TBX4: variants seen among roughly 807,000 people sequenced by gnomAD.
The protein encoded by TBX4 is T-box transcription factor 4, also known as T-box transcription factor TBX4.
A neutral mutation model predicts 54.6 loss-of-function variants in TBX4; 13 were observed. That is an observed-to-expected ratio of 0.24 (90% confidence interval 0.15 to 0.38). The LOEUF is 0.38. Ranked by LOEUF, TBX4 falls within the 10% of genes least tolerant of loss-of-function variation. TBX4 has a pLI of 1.00. For synonymous variants in TBX4, 314 were observed against 306.7 expected (o/e 1.02, Z -0.25); for missense variants, 631 against 728.5 (o/e 0.87, Z 1.54).
At position 61,484,812 on chromosome 17, in the gene TBX4, C is replaced by G. The variant is rs2060691847; in HGVS notation, c.*1296C>G. ...AATGCAGGCCACATGTCAAATTCAG[C>G]TTTGCTTTCTACAAATGAATGAACT... On this transcript the variant is annotated 3_prime_UTR_variant, in exon 9 of 9. Coordinates refer to ENST00000644296, the MANE Select transcript of TBX4 (RefSeq NM_001321120.2). This position sits in a 1 kb window ranked among gnomAD's most constrained non-coding sequence, Gnocchi z 4.1. 1 of 148,342 alleles carries G rather than the reference C, an allele frequency of 6.7e-6. No homozygotes were observed. The highest frequency in any genetic ancestry group is 2.1e-4 in the South Asian group (1 of 4,794). The allele number at this position is 148,342 out of a possible 1,614,324, so 9.2% of individuals were successfully genotyped here.
intron 5 of TBX4, among the ~76,000 whole-genome samples, chr17:61,473,146 C>A (rs965329389): frequency 6.6e-6 from 1 of 152,100 alleles, no homozygotes; most frequent in Non-Finnish European, 1.5e-5. Context: ...TTTCTATTTG[C>A]TGAGGGTTTT....
rs752909576 is a variant in TBX4, at chr17:61,483,177, G to A, written c.1302G>A (p.Thr434=). Reference sequence around the variant, plus strand: ...CGTACACCAGCTATAGCGTGCAGACGATGGAGACTGTGCCGTACCAGCCCT... The same window carrying A: ...CGTACACCAGCTATAGCGTGCAGACAATGGAGACTGTGCCGTACCAGCCCT... ...VSPYTSYSVQ[T]METVPYQPFP... The change falls in exon 9 of 9, where the codon ACG becomes ACA. Residue 434 remains threonine (T), a synonymous_variant. Transcript: ENST00000644296. The surrounding 1 kb of genome is among the most constrained non-coding windows in gnomAD (Gnocchi z 6.6). The A allele has an allele frequency of 2.4e-5, 38 of 1,614,008 alleles. No homozygotes were observed. Among genetic ancestry groups the A allele is most frequent in the Non-Finnish European group, 2.9e-5 (34 of 1,180,034 alleles).
rs2060685557 is a variant in TBX4 at position 61,483,871 on chromosome 17, G to C, written c.*355G>C. ...GGTTTTATAATGGTTGATTTACTCA[G>C]GGGCCAGGTGGGGAGTTCTCTCCCA... On this transcript the variant is annotated 3_prime_UTR_variant, in exon 9 of 9. Coordinates refer to ENST00000644296, the MANE Select transcript of TBX4 (RefSeq NM_001321120.2). This position sits in a 1 kb window ranked among gnomAD's most constrained non-coding sequence, Gnocchi z 6.6. 2 of 294,730 alleles carry C rather than the reference G, an allele frequency of 6.8e-6. No individual in the cohort carries two copies. The highest frequency in any genetic ancestry group is 7.1e-5 in the South Asian group (2 of 28,180). The allele number at this position is 294,730 out of a possible 1,614,324, so 18.3% of individuals were successfully genotyped here. A position where few individuals can be genotyped will look rare whatever the true frequency, so the allele number is the denominator to read the frequency against.
rs868354023 is a variant in TBX4 at position 61,480,425 on chromosome 17, C to T, written c.1021+106C>T. On this transcript the variant is annotated intron_variant, in intron 8 of 8. Coordinates refer to ENST00000644296, the MANE Select transcript of TBX4 (RefSeq NM_001321120.2). The surrounding 1 kb of genome is among the most constrained non-coding windows in gnomAD (Gnocchi z 6.2). ...CCCCCCAACACACACACACTCATCTCGTGCTTGTGTGGCCTGGGAGAGTGG... is the reference window on the plus strand; with the variant it reads ...CCCCCCAACACACACACACTCATCTTGTGCTTGTGTGGCCTGGGAGAGTGG... 13 of 1,018,944 alleles carry T rather than the reference C, an allele frequency of 1.3e-5. No individual in the cohort carries two copies. The highest frequency in any genetic ancestry group is 2.9e-4 in the Middle Eastern group (1 of 3,450). The allele number at this position is 1,018,944 out of a possible 1,614,324, so 63.1% of individuals were successfully genotyped here. A position where few individuals can be genotyped will look rare whatever the true frequency, so the allele number is the denominator to read the frequency against.
rs902947677 is a variant in TBX4 at position 61,465,207 on chromosome 17, A to G, written c.282-612A>G. On this transcript the variant is annotated intron_variant, in intron 3 of 8. Transcript: ENST00000644296. This position sits in a 1 kb window ranked among gnomAD's most constrained non-coding sequence, Gnocchi z 4.9. Reference sequence around the variant, plus strand: ...AGGTCCAGGTGAGGTGTTCACAGGGAGAAGTACCCCCGATAGACACACTGG... The same window carrying G: ...AGGTCCAGGTGAGGTGTTCACAGGGGGAAGTACCCCCGATAGACACACTGG... Among the ~76,000 whole-genome samples, 1 of 152,128 alleles carries G rather than the reference A, an allele frequency of 6.6e-6. No homozygotes were observed. Among genetic ancestry groups the G allele is most frequent in the African/African-American group, 2.4e-5 (1 of 41,410 alleles).
chr17:61,467,424 A>G (rs2060544409), intron 4 of TBX4, 86 bp from the exon 5 acceptor site: 26 of 1,548,376 alleles, frequency 1.7e-5, no homozygotes, highest in East Asian at 2.3e-5. Flanking sequence ...CCTCTGGTCA[A>G]TGGGGGTTTG....
chr17:61,453,072 G>A (rs2060425154), intron 1 of TBX4: 1 of 840,690 alleles, frequency 1.2e-6, no homozygotes, highest in African/African-American at 1.8e-5. Context: ...TATAAATAAT[G>A]ATCGATGATT....
At position 61,456,374 on chromosome 17, in the gene TBX4, C is replaced by T. The variant is rs2143791153; in HGVS notation, c.-3-114C>T. 5 of 1,428,496 alleles carry T rather than the reference C, an allele frequency of 3.5e-6. No homozygotes were observed. The East Asian group carries it at 7.7e-5, about 22-fold the overall frequency. The allele number at this position is 1,428,496 out of a possible 1,614,324, so 88.5% of individuals were successfully genotyped here. ...CTCAGGAGGGGGCGGGGTCCACGTG[C>T]TCCAGGGCTGCCTCCGCGCCCCGCA... On this transcript the variant is annotated intron_variant, in intron 1 of 8. Transcript: ENST00000644296.
Position 61,480,763 on chromosome 17 carries a change from C to G in TBX4, c.1021+444C>G, listed in dbSNP as rs1435558453. On this transcript the variant is annotated intron_variant, in intron 8 of 8. Transcript: ENST00000644296. This position sits in a 1 kb window ranked among gnomAD's most constrained non-coding sequence, Gnocchi z 6.2. ...CTTGGTGTCTCACGTGCAGGGCCTT[C>G]CACCCAATCATTCCTTCCAGGATCT... 5.3e-5 allele frequency among the ~76,000 whole-genome samples: 8 copies of G among 152,176 alleles called. No homozygotes were observed. The highest frequency in any genetic ancestry group is 1.4e-4 in the African/African-American group (6 of 41,440).
In TBX4 at chr17:61,458,293, CGGCGGG is replaced by C. The variant is rs2060469448; in HGVS notation, c.281+665_281+670del. Among the ~76,000 whole-genome samples, 4 of 81,278 alleles carry C rather than the reference CGGCGGG, an allele frequency of 4.9e-5. No homozygotes were observed. In the Admixed American group the frequency reaches 7.7e-4, roughly 16 times the overall value. The allele number at this position is 81,278 out of a possible 152,430, so 53.3% of individuals were successfully genotyped here. The stretch of plus-strand genomic sequence containing the variant: ...GAGAGGATGAGAGGAGGAAGACTCA[CGGCGGG>C]GGTGGGGGTGAGTGAGAGATTCGCT... On this transcript the variant is annotated intron_variant, in intron 3 of 8. Coordinates refer to ENST00000644296, the MANE Select transcript of TBX4 (RefSeq NM_001321120.2).
intron 8 of TBX4, among the ~76,000 whole-genome samples, chr17:61,482,542 CCT>C (rs1720637033): frequency 6.6e-6 from 1 of 152,040 alleles, no homozygotes; most frequent in African/African-American, 2.4e-5. Flanking sequence ...CCTCTACTTT[CCT>C]TGGCCAGGGA....
At chr17:61,482,864 A>G in intron 8 of TBX4, 33 bp from the exon 9 acceptor site, 2 of 1,610,376 alleles carry the variant, frequency 1.2e-6, no homozygotes. Context: ...GCTGGTGGAA[A>G]TGGTTCTTCC....
chr17:61,456,133 G>A (rs1196964086), intron 1 of TBX4, among the ~76,000 whole-genome samples: 1 of 152,150 alleles, frequency 6.6e-6, no homozygotes, highest in African/African-American at 2.4e-5. Context: ...AGCCGAGAAG[G>A]CCCAGGCCTC....
intron 5 of TBX4, among the ~76,000 whole-genome samples, chr17:61,477,523 C>A (rs2060629527): frequency 6.6e-6 from 1 of 152,228 alleles, no homozygotes; most frequent in Non-Finnish European, 1.5e-5. Context: ...CGTCTCCTAC[C>A]TTGGCACCTT....
At chr17:61,455,946 G>A (rs2060444868) in intron 1 of TBX4, among the ~76,000 whole-genome samples, 1 of 152,162 alleles carries the variant, frequency 6.6e-6, no homozygotes, top group African/African-American at 2.4e-5. Flanking sequence ...TGAGGGGTTG[G>A]GTGAGGGCAG....
At position 61,480,401 on chromosome 17, in the gene TBX4, C is replaced by G. The variant is rs558020529; in HGVS notation, c.1021+82C>G. 56 of 1,134,994 alleles carry G rather than the reference C, an allele frequency of 4.9e-5. 1 individual carries two copies. The highest frequency in any genetic ancestry group is 1.8e-4 in the East Asian group (7 of 39,046). The allele number at this position is 1,134,994 out of a possible 1,614,324, so 70.3% of individuals were successfully genotyped here. ...CCGAAACCACTCTGCAGCGCCCCCC[C>G]CCCCAACACACACACACTCATCTCG... On this transcript the variant is annotated intron_variant, in intron 8 of 8. Coordinates refer to ENST00000644296, the MANE Select transcript of TBX4 (RefSeq NM_001321120.2). The surrounding 1 kb of genome is among the most constrained non-coding windows in gnomAD (Gnocchi z 6.2).
intron 1 of TBX4, among the ~76,000 whole-genome samples, chr17:61,453,637 C>T (rs2060428381): frequency 6.6e-6 from 1 of 152,040 alleles, no homozygotes; most frequent in Non-Finnish European, 1.5e-5. Flanking sequence ...AGAGCTACAA[C>T]AATATTACAA....
At position 61,467,549 on chromosome 17, in the gene TBX4, G is replaced by A; in HGVS notation, c.441G>A (p.Arg147=). Reference sequence around the variant, plus strand: ...AGGCTGAGCCAGCCATGCCAGGAAGGCTGTATGTCCACCCGGATTCTCCTG... The same window carrying A: ...AGGCTGAGCCAGCCATGCCAGGAAGACTGTATGTCCACCCGGATTCTCCTG... The part of the protein sequence containing the change: ...AGKAEPAMPG[R]LYVHPDSPAT... The change falls in exon 5 of 9, where the codon AGG becomes AGA. Residue 147 remains arginine (R), a synonymous_variant. Coordinates refer to ENST00000644296, the MANE Select transcript of TBX4 (RefSeq NM_001321120.2). 3.1e-6 allele frequency: 5 copies of A among 1,614,220 alleles called. No individual in the cohort carries two copies. The highest frequency in any genetic ancestry group is 4.2e-6 in the Non-Finnish European group (5 of 1,180,046).
rs758307212 is a variant in TBX4 at position 61,483,195 on chromosome 17, C to T, written c.1320C>T (p.Tyr440=). 21 of 1,614,076 alleles carry T rather than the reference C, an allele frequency of 1.3e-5. No individual in the cohort carries two copies. Among genetic ancestry groups the T allele is most frequent in the Non-Finnish European group, 1.7e-5 (20 of 1,180,048 alleles). ...YSVQTMETVP[Y]QPFPTHFTAT... ...TGCAGACGATGGAGACTGTGCCGTA[C>T]CAGCCCTTCCCCACGCACTTCACCG... Residue 440 remains tyrosine (Y), a synonymous_variant, in exon 9 of 9, where the codon TAC becomes TAT. Transcript: ENST00000644296. This position sits in a 1 kb window ranked among gnomAD's most constrained non-coding sequence, Gnocchi z 6.6.
Sources: allele counts gnomAD v4.1 joint callset (sites outside exome capture counted in the v4.1 genomes callset), GRCh38; gene constraint gnomAD v4.1.1; non-coding constraint Gnocchi (gnomAD v3.1); transcripts MANE v1.5; gene names NCBI Gene and HGNC (gene_info 2026-07-23, HGNC 2026-07-21).